Variants in XIRP2 observed in about 807,000 individuals in gnomAD.
XIRP2 encodes xin actin binding repeat containing 2.
In XIRP2, 236 loss-of-function variants were observed where a neutral mutation model predicts 277.0. The ratio of observed to expected loss-of-function variants is 0.85; its 90% CI spans 0.77 to 0.95. The LOEUF (loss-of-function observed/expected upper bound fraction) is 0.95. Ranked by LOEUF, XIRP2 falls within the 40% of genes least tolerant of loss-of-function variation. The pLI is 0.00. For missense variants in XIRP2, 4,640 were observed against 4,157.5 expected, an observed-to-expected ratio of 1.12 and a Z score of -3.19; for synonymous variants, 1,490 against 1,416.5, an observed-to-expected ratio of 1.05 and a Z score of -1.17.
At position 167,248,363 on chromosome 2, in the gene XIRP2, G is replaced by A; in HGVS notation, c.6971G>A (p.Gly2324Glu). 6.2e-7 allele frequency: 1 copy of A among 1,613,452 alleles called. No homozygotes were observed. Among genetic ancestry groups the A allele is most frequent in the South Asian group, 1.1e-5 (1 of 91,050 alleles). ...TTGATGATGTTTCCTGAAAAAAATG[G>A]GTTTCTTCCCTCACTGTCCACAGAG... ...PPLMMFPEKN[G>E]FLPSLSTEKI... Residue 2324 changes from glycine (G) to glutamate (E), a missense_variant, in exon 9 of 11, where the codon GGG (glycine) becomes GAG (glutamate). Transcript: ENST00000409195.
At chr2:166,987,714 CA>C (rs1454986020) in intron 2 of XIRP2, among the ~76,000 whole-genome samples, 1 of 152,016 alleles carries the variant, frequency 6.6e-6, no homozygotes, top group Non-Finnish European at 1.5e-5. Context: ...TTGAATGTGC[CA>C]GATGGTTTGG....
Position 167,068,397 on chromosome 2 carries a change from G to T in XIRP2, c.409-67512G>T, listed in dbSNP as rs1399251304. ...AATCACCTGTATATCTGTTACAATT[G>T]TTTGTTTTATCTCCTGATTTTCAGT... On this transcript the variant is annotated intron_variant, in intron 2 of 10. Transcript: ENST00000409195. Among the ~76,000 whole-genome samples, 9 of 152,184 alleles carry T rather than the reference G, an allele frequency of 5.9e-5. No homozygotes were observed. The South Asian group carries it at 6.2e-4, about 11-fold the overall frequency.
Position 167,243,395 on chromosome 2 carries a change from A to C in XIRP2, c.2003A>C (p.Lys668Thr). ...ACAAGGCCATTGGACTCAATGAATA[A>C]AATGCATCAAAGTCAAGAAGAATCA... ...FETRPLDSMN[K>T]MHQSQEESAV... Residue 668 changes from lysine (K) to threonine (T), a missense_variant, in exon 9 of 11, where the codon AAA (lysine) becomes ACA (threonine). Transcript: ENST00000409195. The C allele has an allele frequency of 4.3e-6, 7 of 1,614,084 alleles. No individual in the cohort carries two copies. Among genetic ancestry groups the C allele is most frequent in the Non-Finnish European group, 5.9e-6 (7 of 1,179,980 alleles).
rs1365470420 is a variant in XIRP2, at chr2:167,244,067, A to G, written c.2675A>G (p.Asp892Gly). The G allele has an allele frequency of 6.2e-7, 1 of 1,613,900 alleles. No individual in the cohort carries two copies. Among genetic ancestry groups the G allele is most frequent in the Non-Finnish European group, 8.5e-7 (1 of 1,179,900 alleles). Residue 892 changes from aspartate to glycine, a missense_variant, in exon 9 of 11, where the codon GAT becomes GGT. By Grantham distance (94) the Asp-to-Gly change is moderately conservative. Coordinates refer to ENST00000409195, the MANE Select transcript of XIRP2 (RefSeq NM_152381.6). ...ATTGAAGCATTAAAAGACAGTCCTG[A>G]TATAGGAAAGCTTCAAAAAATCACT... is the stretch of plus-strand genomic sequence containing the variant. Reference protein sequence around the residue: ...LPIEALKDSPDIGKLQKITAS... With the variant: ...LPIEALKDSPGIGKLQKITAS...
At chr2:167,169,928 T>C (rs1325081626) in intron 3 of XIRP2, among the ~76,000 whole-genome samples, 1 of 152,134 alleles carries the variant, frequency 6.6e-6, no homozygotes, top group African/African-American at 2.4e-5. Context: ...CCTATTATAC[T>C]TGTAAGGCAC....
chr2:167,027,549 G>T (rs1393313629), intron 2 of XIRP2, among the ~76,000 whole-genome samples: 1 of 152,114 alleles, frequency 6.6e-6, no homozygotes. Flanking sequence ...TTGCTGGTGA[G>T]GAGCTGCATT....
intron 2 of XIRP2, among the ~76,000 whole-genome samples, chr2:166,918,704 G>A (rs993772978): frequency 6.6e-6 from 1 of 152,128 alleles, no homozygotes; most frequent in Non-Finnish European, 1.5e-5. Context: ...AATGGGAAAG[G>A]TGGTAAAAGT....
At chr2:167,201,216 A>G (rs866009983) in intron 3 of XIRP2, among the ~76,000 whole-genome samples, 3 of 108,942 alleles carry the variant, frequency 2.8e-5, no homozygotes, top group African/African-American at 9.7e-5. Flanking sequence ...GAAAGAAAGA[A>G]AGAAAGAAAG....
At position 167,056,925 on chromosome 2, in the gene XIRP2, G is replaced by A. The variant is rs577863391; in HGVS notation, c.409-78984G>A. On this transcript the variant is annotated intron_variant, in intron 2 of 10. Coordinates refer to ENST00000409195, the MANE Select transcript of XIRP2 (RefSeq NM_152381.6). ...TTGAAAGTGCCTCCTGTGCTTCTTTGGGAGTGATAAACAAAAATTGATGAC... is the reference window on the plus strand; with the variant it reads ...TTGAAAGTGCCTCCTGTGCTTCTTTAGGAGTGATAAACAAAAATTGATGAC... Among the ~76,000 whole-genome samples, 6 of 152,170 alleles carry A rather than the reference G, an allele frequency of 3.9e-5. No homozygotes were observed. The South Asian group carries it at 1.0e-3, about 26-fold the overall frequency.
At position 167,249,688 on chromosome 2, in the gene XIRP2, C is replaced by A; in HGVS notation, c.8296C>A (p.Leu2766Met). Residue 2766 changes from leucine to methionine, a missense_variant, in exon 9 of 11, where the codon CTG becomes ATG. Transcript: ENST00000409195. ...ASTECSHKQSLAERHYQLPKK... is the reference protein window; with the variant it reads ...ASTECSHKQSMAERHYQLPKK... ...CACTGAATGTAGTCATAAGCAATCT[C>A]TGGCTGAAAGACATTATCAGTTACC... 6.2e-7 allele frequency: 1 copy of A among 1,613,466 alleles called. No homozygotes were observed. The highest frequency in any genetic ancestry group is 8.5e-7 in the Non-Finnish European group (1 of 1,179,758).
chr2:166,921,964 G>A (rs1685054179), intron 2 of XIRP2, among the ~76,000 whole-genome samples: 1 of 152,130 alleles, frequency 6.6e-6, no homozygotes, highest in Non-Finnish European at 1.5e-5. Context: ...ATGCCTTACA[G>A]ATGACATGGG....
At chr2:167,192,264 A>G (rs563580116) in intron 3 of XIRP2, among the ~76,000 whole-genome samples, 136 of 152,344 alleles carry the variant, frequency 8.9e-4, no homozygotes, top group African/African-American at 3.1e-3. Context: ...GGTTTTTTAA[A>G]ACAATGAACA....
intron 2 of XIRP2, among the ~76,000 whole-genome samples, chr2:166,988,090 C>G (rs2105442182): frequency 6.6e-6 from 1 of 152,230 alleles, no homozygotes; most frequent in Middle Eastern, 3.4e-3. Flanking sequence ...AAGTATCTTC[C>G]CACAGATATG....
chr2:167,122,646 A>G (rs1036211559), intron 2 of XIRP2, among the ~76,000 whole-genome samples: 1 of 152,146 alleles, frequency 6.6e-6, no homozygotes, highest in Non-Finnish European at 1.5e-5. Flanking sequence ...CCCTTAACTG[A>G]GCATTTCTGA....
chr2:166,908,554 A>C (rs1481856366), intron 2 of XIRP2, among the ~76,000 whole-genome samples: 1 of 152,030 alleles, frequency 6.6e-6, no homozygotes, highest in Admixed American at 6.6e-5. Flanking sequence ...ATTTTCTCCC[A>C]TTCTGTAGGT....
chr2:167,074,242 G>A (rs148895394), intron 2 of XIRP2, among the ~76,000 whole-genome samples: 467 of 152,066 alleles, frequency 3.1e-3, no homozygotes, highest in African/African-American at 0.01. Context: ...GGATAAATAT[G>A]TACAGTATAT....
At chr2:167,219,401 A>T (rs968456116) in intron 5 of XIRP2, among the ~76,000 whole-genome samples, 6 of 152,234 alleles carry the variant, frequency 3.9e-5, no homozygotes, top group African/African-American at 1.4e-4. Flanking sequence ...AATACAAAAT[A>T]TTACTATCAT....
chr2:166,908,713 A>T (rs1040140952), intron 2 of XIRP2, among the ~76,000 whole-genome samples: 4 of 152,046 alleles, frequency 2.6e-5, no homozygotes, highest in Admixed American at 6.6e-5. Context: ...TGAATGGTAT[A>T]GCCTAGGTTT....
intron 2 of XIRP2, among the ~76,000 whole-genome samples, chr2:166,978,199 T>C (rs917138348): frequency 6.6e-6 from 1 of 152,150 alleles, no homozygotes; most frequent in Non-Finnish European, 1.5e-5. Flanking sequence ...AAAGTGTGTA[T>C]TTGTTTATTT....
Sources: allele counts gnomAD v4.1 joint callset (sites outside exome capture counted in the v4.1 genomes callset), GRCh38; gene constraint gnomAD v4.1.1; transcripts MANE v1.5; gene names NCBI Gene and HGNC (gene_info 2026-07-23, HGNC 2026-07-21).